TPGS2: variants seen among roughly 807,000 people sequenced by gnomAD.
TPGS2 encodes polyglutamylase subunit 2.
Under a neutral mutation model 31.1 loss-of-function variants are expected in TPGS2, and 26 were observed. That is an observed-to-expected ratio of 0.84 (90% confidence interval 0.61 to 1.16). TPGS2 has a LOEUF of 1.16. TPGS2 is among the 50% of genes most tolerant of loss of function. The probability of loss-of-function intolerance (pLI) is 0.00; values close to 1 mark genes in which losing one functional copy is unlikely to be tolerated. For synonymous variants in TPGS2, 130 were observed against 136.6 expected, an observed-to-expected ratio of 0.95 and a Z score of 0.34; for missense variants, 351 against 363.8, an observed-to-expected ratio of 0.96 and a Z score of 0.29.
intron 2 of TPGS2, among the ~76,000 whole-genome samples, chr18:36,812,964 A>C (rs570479793): frequency 6.6e-6 from 1 of 152,328 alleles, no homozygotes; most frequent in Non-Finnish European, 1.5e-5. Flanking sequence ...GAGAGGAAAA[A>C]CAGTGTGTGT....
At chr18:36,823,950 G>A (rs535634630) in intron 1 of TPGS2, 71 of 738,372 alleles carry the variant, frequency 9.6e-5, no homozygotes, top group East Asian at 7.9e-4. Flanking sequence ...GACATAATTC[G>A]CATACCATAA....
At chr18:36,821,427 G>T (rs530558381) in intron 1 of TPGS2, among the ~76,000 whole-genome samples, 31 of 152,134 alleles carry the variant, frequency 2.0e-4, no homozygotes, top group Non-Finnish European at 3.8e-4. Flanking sequence ...GTTAATTGTT[G>T]TTTCAAGCAA....
At chr18:36,812,887 C>T (rs2045492716) in intron 2 of TPGS2, among the ~76,000 whole-genome samples, 2 of 152,196 alleles carry the variant, frequency 1.3e-5, no homozygotes, top group African/African-American at 4.8e-5. Context: ...TGTTTGGGAA[C>T]TCCCCCTTGC....
chr18:36,785,310 C>T (rs1425370533), intron 6 of TPGS2, among the ~76,000 whole-genome samples: 1 of 152,102 alleles, frequency 6.6e-6, no homozygotes, highest in African/African-American at 2.4e-5. Context: ...AAAAAAATTT[C>T]CTGAACGCTG....
downstream of TPGS2, among the ~76,000 whole-genome samples, chr18:36,782,327 G>A (rs1325339696): frequency 2.6e-5 from 4 of 152,100 alleles, no homozygotes; most frequent in Non-Finnish European, 5.9e-5. Flanking sequence ...TCTTTTATTG[G>A]GCCCAGCATC....
chr18:36,785,597 G>A (rs971575289), intron 6 of TPGS2, among the ~76,000 whole-genome samples: 1 of 152,166 alleles, frequency 6.6e-6, no homozygotes, highest in Non-Finnish European at 1.5e-5. Context: ...TTGTCTTTAA[G>A]AATAATTTTT....
downstream of TPGS2, chr18:36,782,008 T>C (rs950820908): frequency 1.1e-5 from 10 of 922,990 alleles, no homozygotes; most frequent in Admixed American, 4.9e-4. Context: ...TATGGTTTAA[T>C]AGTTTGTGAG....
intron 1 of TPGS2, among the ~76,000 whole-genome samples, chr18:36,828,317 G>C (rs528449326): frequency 3.4e-4 from 52 of 152,136 alleles, no homozygotes; most frequent in Admixed American, 1.1e-3. Flanking sequence ...GAAAGGTCTT[G>C]GGTTTCGGGG....
At chr18:36,791,297 TGAG>T (rs2044301645), downstream of TPGS2, among the ~76,000 whole-genome samples, 1 of 152,240 alleles carries the variant, frequency 6.6e-6, no homozygotes. Flanking sequence ...TATAGCTATG[TGAG>T]AATGGATTAA....
intron 4 of TPGS2, among the ~76,000 whole-genome samples, chr18:36,802,918 A>G (rs921433107): frequency 2.0e-5 from 3 of 151,902 alleles, no homozygotes; most frequent in South Asian, 4.2e-4. Flanking sequence ...GAGCTACCGC[A>G]CCCGGCCCTC....
At chr18:36,783,842 T>C (rs775964446) in intron 6 of TPGS2, among the ~76,000 whole-genome samples, 1 of 152,206 alleles carries the variant, frequency 6.6e-6, no homozygotes, top group Admixed American at 6.5e-5. Context: ...AGGAAGGGTC[T>C]TTGCAAATGT....
chr18:36,820,154 C>G (rs559017062), intron 1 of TPGS2, among the ~76,000 whole-genome samples: 18 of 152,344 alleles, frequency 1.2e-4, no homozygotes, highest in Non-Finnish European at 2.4e-4. Flanking sequence ...GAATTCTAGA[C>G]TCTACCTATT....
intron 1 of TPGS2, among the ~76,000 whole-genome samples, chr18:36,824,801 G>A (rs1414944214): frequency 6.6e-6 from 1 of 151,842 alleles, no homozygotes; most frequent in Non-Finnish European, 1.5e-5. Flanking sequence ...TTTTTGGATT[G>A]TTTTGTCACT....
chr18:36,821,101 G>A (rs2045876063), intron 1 of TPGS2: 1 of 152,192 alleles, frequency 6.6e-6, no homozygotes, highest in Non-Finnish European at 1.5e-5. Context: ...AACTTCTTGA[G>A]TTTGGAGTTG....
chr18:36,800,986 G>T (rs2044784608), intron 4 of TPGS2, among the ~76,000 whole-genome samples: 1 of 152,070 alleles, frequency 6.6e-6, no homozygotes, highest in Admixed American at 6.5e-5. Context: ...CACCGCGCCC[G>T]GTCAGAACCA....
intron 3 of TPGS2, among the ~76,000 whole-genome samples, chr18:36,807,149 C>T (rs1339979666): frequency 2.6e-5 from 4 of 152,166 alleles, no homozygotes; most frequent in Admixed American, 6.5e-5. Flanking sequence ...ATCTGTGCCA[C>T]GAACGGGCTG....
chr18:36,803,630 T>A (rs941924035), intron 4 of TPGS2, among the ~76,000 whole-genome samples: 2 of 152,210 alleles, frequency 1.3e-5, no homozygotes, highest in Non-Finnish European at 2.9e-5. Flanking sequence ...TTTCCACTTC[T>A]CTTAATTCCT....
chr18:36,820,940 A>C (rs926071194), intron 1 of TPGS2: 2 of 152,236 alleles, frequency 1.3e-5, no homozygotes. Flanking sequence ...AATAACCTGC[A>C]TGGCAGAGTA....
intron 5 of TPGS2, among the ~76,000 whole-genome samples, chr18:36,799,408 C>T (rs1287903484): frequency 6.6e-6 from 1 of 152,170 alleles, no homozygotes; most frequent in African/African-American, 2.4e-5. Context: ...AACCATGTGG[C>T]CCACTGAATT....
Sources: allele counts gnomAD v4.1 joint callset (sites outside exome capture counted in the v4.1 genomes callset), GRCh38; gene constraint gnomAD v4.1.1; transcripts MANE v1.5; gene names NCBI Gene and HGNC (gene_info 2026-07-23, HGNC 2026-07-21).